The following KLHL17 variants were observed in gnomAD, a reference collection of about 807,000 sequenced individuals.
The protein encoded by KLHL17 is kelch like family member 17.
A neutral mutation model predicts 64.6 loss-of-function variants in KLHL17; 71 were observed. That is an observed-to-expected ratio of 1.10 (90% CI 0.91 to 1.34). The LOEUF (loss-of-function observed/expected upper bound fraction) is 1.34, where lower values mean the gene tolerates loss of function less well. KLHL17 is among the 40% of genes most tolerant of loss of function. The pLI is 0.00. For synonymous variants in KLHL17, 612 were observed against 405.4 expected (o/e 1.51, Z -6.12); for missense variants, 1,140 against 935.0 (o/e 1.22, Z -2.86).
In KLHL17 at chr1:960,626, C is replaced by G. The variant is rs1199576968; in HGVS notation, c.-68C>G. On this transcript the variant is annotated 5_prime_UTR_variant, in exon 1 of 12. Transcript: ENST00000338591. ...AGCGGGCCGCCACCGCCGAGCAGCC[C>G]TCCGGCAGTCTCCGCGTCCGTTAAG... 4 of 1,257,824 alleles carry G rather than the reference C, an allele frequency of 3.2e-6. No homozygotes were observed. Among genetic ancestry groups the G allele is most frequent in the Non-Finnish European group, 4.0e-6 (4 of 991,784 alleles). 77.9% of individuals were successfully genotyped at this position (1,257,824 alleles called of 1,614,324 possible). A position where few individuals can be genotyped will look rare whatever the true frequency, so the allele number is the denominator to read the frequency against.
At position 962,347 on chromosome 1, in the gene KLHL17, A is replaced by G. The variant is rs1364728036; in HGVS notation, c.712-8A>G. On this transcript the variant is annotated splice_polypyrimidine_tract_variant and splice_region_variant and intron_variant, in intron 4 of 11. Transcript: ENST00000338591. ...CCAGATCTCAGGTCTGAGGACCCCC[A>G]CTCCCAGGTTCTGGAACTGGTCTCT... The G allele has an allele frequency of 2.5e-6, 4 of 1,611,928 alleles. No homozygotes were observed. Among genetic ancestry groups the G allele is most frequent in the Middle Eastern group, 3.3e-4 (2 of 6,058 alleles).
Position 962,074 on chromosome 1 carries a change from C to T in KLHL17, c.711+27C>T, listed in dbSNP as rs576316712. Reference sequence around the variant, plus strand: ...TAACAGCTGGCGGGCCCAGCCCTCGCCCCCCACCCCACCCCACCCCAGTCT... The same window carrying T: ...TAACAGCTGGCGGGCCCAGCCCTCGTCCCCCACCCCACCCCACCCCAGTCT... On this transcript the variant is annotated intron_variant, in intron 4 of 11. Coordinates refer to ENST00000338591, the MANE Select transcript of KLHL17 (RefSeq NM_198317.3). 6.1e-4 allele frequency: 961 copies of T among 1,569,776 alleles called. 8 individuals are homozygous for T. In the South Asian group the frequency reaches 6.4e-3, roughly 10 times the overall value.
intron 4 of KLHL17, 46 bp downstream of exon 4, chr1:962,093 C>T (rs1213613132): frequency 5.3e-6 from 8 of 1,518,426 alleles, no homozygotes; most frequent in Non-Finnish European, 7.2e-6. Flanking sequence ...CCACCCCACC[C>T]CAGTCTTTGT....
Position 962,872 on chromosome 1 carries a change from C to T in KLHL17, c.997C>T (p.Arg333Cys), listed in dbSNP as rs759220112. 14 of 1,580,334 alleles carry T rather than the reference C, an allele frequency of 8.9e-6. No homozygotes were observed. Among genetic ancestry groups the T allele is most frequent in the East Asian group, 2.2e-5 (1 of 44,622 alleles). Residue 333 changes from arginine (R) to cysteine (C), a missense_variant, in exon 6 of 12, where the codon CGT (arginine) becomes TGT (cysteine). By Grantham distance (180) the Arg-to-Cys change is radical. Transcript: ENST00000338591. ...GGGCGTCCTAGGCACCAGCCGCACA[C>T]GTCCCCGGCGCTGCGAGGGGGCCGG... is the stretch of plus-strand genomic sequence containing the variant. ...QRGVLGTSRT[R>C]PRRCEGAGPV...
Position 961,838 on chromosome 1 carries a change from G to T in KLHL17, c.502G>T (p.Ala168Ser). The T allele has an allele frequency of 6.2e-7, 1 of 1,610,422 alleles. No individual in the cohort carries two copies. Residue 168 changes from alanine (A) to serine (S), a missense_variant, in exon 4 of 12, where the codon GCC becomes TCC. Physicochemically the swap from Ala to Ser is moderately conservative, Grantham distance 99. Transcript: ENST00000338591. ...CGGTGCCCCGTAGACTCTGCTCCCA[G>T]CCGCCAGTCTCCTGCAGCTGAATGG... ...GEGNVQTLLP[A>S]ASLLQLNGVR... is the part of the protein sequence containing the mutation.
chr1:961,348 G>A lies in KLHL17; in HGVS notation c.163G>A (p.Gly55Arg), dbSNP rs200516692. 39 of 1,575,478 alleles carry A rather than the reference G, an allele frequency of 2.5e-5. No homozygotes were observed. In the East Asian group the frequency reaches 8.1e-4, roughly 33 times the overall value. ...GGCTCGGCCCGCAGCCCCCATGGAG[G>A]GAGCCGTGCAGCTGCTGAGCCGCGA... is the stretch of plus-strand genomic sequence containing the variant. Reference protein sequence around the residue: ...RQARPAAPMEGAVQLLSREGH... With the variant: ...RQARPAAPMERAVQLLSREGH... Residue 55 changes from glycine to arginine, a missense_variant, in exon 2 of 12, where the codon GGA (glycine) becomes AGA (arginine). Coordinates refer to ENST00000338591, the MANE Select transcript of KLHL17 (RefSeq NM_198317.3).
intron 1 of KLHL17, 62 bp from the exon 2 acceptor site, chr1:961,231 G>C: frequency 2.5e-6 from 3 of 1,210,194 alleles, no homozygotes; most frequent in Non-Finnish European, 3.1e-6. Flanking sequence ...GGGCCCCCCA[G>C]CGGCTCCAGG....
Position 963,108 on chromosome 1 carries a change from G to A in KLHL17, c.1043-1G>A. ...GTCCCGTCTCCACCTGCCCTCCCCAGGCGGCGGGAGCCTGTTTGCCATCCA... is the reference window on the plus strand; with the variant it reads ...GTCCCGTCTCCACCTGCCCTCCCCAAGCGGCGGGAGCCTGTTTGCCATCCA... On this transcript the variant is annotated splice_acceptor_variant, in intron 6 of 11. Coordinates refer to ENST00000338591, the MANE Select transcript of KLHL17 (RefSeq NM_198317.3). LOFTEE classifies it high-confidence loss of function. The A allele has an allele frequency of 4.3e-6, 7 of 1,611,492 alleles. No homozygotes were observed. The highest frequency in any genetic ancestry group is 5.9e-6 in the Non-Finnish European group (7 of 1,179,354).
chr1:964,865 C>G (rs1642866901), intron 11 of KLHL17, 98 bp from the exon 12 acceptor site: 2 of 1,010,066 alleles, frequency 2.0e-6, no homozygotes, highest in South Asian at 3.1e-5. Context: ...GTTCTCCCAA[C>G]CTCAGCGAGC....
At chr1:962,964 C>A in intron 6 of KLHL17, 47 bp downstream of exon 6, 2 of 1,519,460 alleles carry the variant, frequency 1.3e-6, no homozygotes, top group East Asian at 2.3e-5. Flanking sequence ...CTTCTACTCC[C>A]CACCAGCACA....
rs1329442111 is a variant in KLHL17 at position 960,625 on chromosome 1, C to T, written c.-69C>T. On this transcript the variant is annotated 5_prime_UTR_variant, in exon 1 of 12. Transcript: ENST00000338591. ...GAGCGGGCCGCCACCGCCGAGCAGC[C>T]CTCCGGCAGTCTCCGCGTCCGTTAA... 4.0e-6 allele frequency: 5 copies of T among 1,247,126 alleles called. No homozygotes were observed. Among genetic ancestry groups the T allele is most frequent in the Non-Finnish European group, 5.1e-6 (5 of 985,398 alleles). 77.3% of individuals were successfully genotyped at this position (1,247,126 alleles called of 1,614,324 possible).
chr1:961,318 C>T lies in KLHL17; in HGVS notation c.133C>T (p.Arg45Trp), dbSNP rs537561336. ...PAPEAERTRP[R>W]QARPAAPMEG... The stretch of plus-strand genomic sequence containing the variant: ...CCCCGAGGCAGAGCGCACGCGGCCC[C>T]GGCAGGCTCGGCCCGCAGCCCCCAT... The change falls in exon 2 of 12, where the codon CGG becomes TGG. Residue 45 changes from arginine (R) to tryptophan (W), a missense_variant. Coordinates refer to ENST00000338591, the MANE Select transcript of KLHL17 (RefSeq NM_198317.3). 3 of 1,533,012 alleles carry T rather than the reference C, an allele frequency of 2.0e-6. No individual in the cohort carries two copies. The South Asian group carries it at 3.5e-5, about 18-fold the overall frequency. 95.0% of individuals were successfully genotyped at this position (1,533,012 alleles called of 1,614,324 possible).
chr1:961,885 G>A lies in KLHL17; in HGVS notation c.549G>A (p.Lys183=), dbSNP rs778532225. Residue 183 remains lysine (K), a synonymous_variant, in exon 4 of 12, where the codon AAG becomes AAA. Transcript: ENST00000338591. The part of the protein sequence containing the change: ...QLNGVRDACC[K]FLLSQLDPSN... Reference sequence around the variant, plus strand: ...ATGGCGTCCGAGACGCTTGCTGCAAGTTTCTACTGAGTCAGCTCGACCCCT... The same window carrying A: ...ATGGCGTCCGAGACGCTTGCTGCAAATTTCTACTGAGTCAGCTCGACCCCT... The A allele has an allele frequency of 5.6e-6, 9 of 1,612,728 alleles. No homozygotes were observed. The highest frequency in any genetic ancestry group is 1.6e-4 in the Middle Eastern group (1 of 6,062).
rs1419119119 is a variant in KLHL17 at position 961,309 on chromosome 1, A to T, written c.124A>T (p.Thr42Ser). The T allele has an allele frequency of 3.9e-6, 6 of 1,521,082 alleles. No homozygotes were observed. The highest frequency in any genetic ancestry group is 5.3e-6 in the Non-Finnish European group (6 of 1,141,282). 94.2% of individuals were successfully genotyped at this position (1,521,082 alleles called of 1,614,324 possible). ...PQPPAPEAER[T>S]RPRQARPAAP... The stretch of plus-strand genomic sequence containing the variant: ...CTCCTGCAGCCCCGAGGCAGAGCGC[A>T]CGCGGCCCCGGCAGGCTCGGCCCGC... The change falls in exon 2 of 12, where the codon ACG (threonine) becomes TCG (serine). Residue 42 changes from threonine to serine, a missense_variant. Coordinates refer to ENST00000338591, the MANE Select transcript of KLHL17 (RefSeq NM_198317.3).
chr1:963,804 G>A (rs2100423764), intron 8 of KLHL17, 116 bp from the exon 9 acceptor site: 1 of 1,220,770 alleles, frequency 8.2e-7, no homozygotes, highest in East Asian at 2.3e-5. Context: ...GGACTTTGCG[G>A]TCTGAGTTTG....
chr1:964,980 TG>T lies in KLHL17; in HGVS notation c.1720del (p.Ala574ProfsTer110). ...CCCCCCAGGAGCACGCATGACCTGG[TG>T]GCCATGGACGGATGGTTGTACGCCG... is the stretch of plus-strand genomic sequence containing the variant. ...MNIRRSTHDLVAMDGWLYAVG... is the reference protein window; with the variant it reads ...MNIRRSTHDLXAMDGWLYAVG... On this transcript the variant is annotated frameshift_variant, in exon 12 of 12. Transcript: ENST00000338591. LOFTEE classifies it high-confidence loss of function. The T allele has an allele frequency of 6.2e-7, 1 of 1,608,878 alleles. No homozygotes were observed. Among genetic ancestry groups the T allele is most frequent in the Non-Finnish European group, 8.5e-7 (1 of 1,177,120 alleles).
chr1:962,136 C>G (rs1642685947), intron 4 of KLHL17, 89 bp downstream of exon 4: 2 of 1,309,202 alleles, frequency 1.5e-6, no homozygotes, highest in Non-Finnish European at 2.1e-6. Context: ...GTTCCTGACA[C>G]AGCCCTGCCC....
At position 961,388 on chromosome 1, in the gene KLHL17, C is replaced by T; in HGVS notation, c.203C>T (p.Ala68Val). The T allele has an allele frequency of 1.2e-6, 2 of 1,607,090 alleles. No homozygotes were observed. The highest frequency in any genetic ancestry group is 1.7e-6 in the Non-Finnish European group (2 of 1,178,156). ...CTGAGCCGCGAGGGCCACAGCGTGGCCCACAACTCCAAGCGGCACTACCAC... is the reference window on the plus strand; with the variant it reads ...CTGAGCCGCGAGGGCCACAGCGTGGTCCACAACTCCAAGCGGCACTACCAC... ...QLLSREGHSV[A>V]HNSKRHYHDA... The change falls in exon 2 of 12, where the codon GCC becomes GTC. Residue 68 changes from alanine (A) to valine (V), a missense_variant. By Grantham distance (64) the Ala-to-Val change is moderately conservative. Transcript: ENST00000338591.
chr1:962,605 C>G, intron 5 of KLHL17, 99 bp from the exon 6 acceptor site: 1 of 1,520,642 alleles, frequency 6.6e-7, no homozygotes, highest in South Asian at 1.3e-5. Flanking sequence ...GAAGAAGAAT[C>G]CATCACACAG....
Sources: allele counts gnomAD v4.1 joint callset, GRCh38; gene constraint gnomAD v4.1.1; transcripts MANE v1.5; gene names NCBI Gene and HGNC (gene_info 2026-07-23, HGNC 2026-07-21).